PNPLA7: variants seen among roughly 807,000 people sequenced by gnomAD.
PNPLA7 encodes the protein patatin like domain 7, lysophospholipase, also known as patatin-like phospholipase domain-containing protein 7.
PNPLA7 carries 153 observed loss-of-function variants against 161.7 expected under a neutral mutation model. The observed-to-expected ratio is 0.95, with a 90% confidence interval of 0.83 to 1.08. The LOEUF (loss-of-function observed/expected upper bound fraction) is 1.08, where lower values mean the gene tolerates loss of function less well. Among genes scored for constraint, PNPLA7 ranks in the 50% least tolerant of loss-of-function variants. PNPLA7 has a pLI of 0.00. For missense variants in PNPLA7, 1,739 were observed against 1,856.6 expected (o/e 0.94, Z 1.16); for synonymous variants, 809 against 782.1 (o/e 1.03, Z -0.57).
Position 137,500,157 on chromosome 9 carries a change from G to A in PNPLA7, c.1757+534C>T, listed in dbSNP as rs538984722. On this transcript the variant is annotated intron_variant, in intron 16 of 34. Coordinates refer to ENST00000406427, the MANE Select transcript of PNPLA7 (RefSeq NM_001098537.3). The surrounding 1 kb of genome is among the most constrained non-coding windows in gnomAD (Gnocchi z 5.5). Reference sequence around the variant, plus strand: ...CAAGTGGACAGATGTCTTCCAGCCCGGAGCCTGGAAGGCGACACGGGCACA... The same window carrying A: ...CAAGTGGACAGATGTCTTCCAGCCCAGAGCCTGGAAGGCGACACGGGCACA... 9.3e-4 allele frequency among the ~76,000 whole-genome samples: 141 copies of A among 152,346 alleles called. No homozygotes were observed. The highest frequency in any genetic ancestry group is 2.9e-3 in the African/African-American group (120 of 41,574).
At chr9:137,514,207 G>A (rs1170467996) in intron 12 of PNPLA7, among the ~76,000 whole-genome samples, 5 of 147,262 alleles carry the variant, frequency 3.4e-5, no homozygotes, top group African/African-American at 1.3e-4. Flanking sequence ...GGCTGCAGGC[G>A]GGTCACTCGG....
rs372038516 is a variant in PNPLA7, at chr9:137,550,175, C to T, written c.23G>A (p.Ser8Asn). 116 of 1,612,902 alleles carry T rather than the reference C, an allele frequency of 7.2e-5. No homozygotes were observed. Among genetic ancestry groups the T allele is most frequent in the Non-Finnish European group, 9.3e-5 (110 of 1,179,814 alleles). The change falls in exon 1 of 35, where the codon AGC (serine) becomes AAC (asparagine). Residue 8 changes from serine (S) to asparagine (N), a missense_variant. Ser to Asn is a conservative substitution (Grantham distance 46). Around this residue, in one of 6 missense-constraint regions of PNPLA7, gnomAD observed 209 missense variants for 252.8 expected, o/e 0.83. Coordinates refer to ENST00000406427, the MANE Select transcript of PNPLA7 (RefSeq NM_001098537.3). ...GTCCCCCGAGTTACATACCTGTGGG[C>T]TGTCATCTTTCTCTTCCTCCATGGC... is the stretch of plus-strand genomic sequence containing the variant. MEEEKDD[S>N]PQADFCLGTA...
rs575239953 is a variant in PNPLA7, at chr9:137,546,035, G to A, written c.273+795C>T. ...CCCGCAGTTATCCGGAGGCCTAACCGTCTCCCTGTGATGCTGTGCTTCAGT... is the reference window on the plus strand; with the variant it reads ...CCCGCAGTTATCCGGAGGCCTAACCATCTCCCTGTGATGCTGTGCTTCAGT... On this transcript the variant is annotated intron_variant, in intron 4 of 34. Transcript: ENST00000406427. 1.8e-3 allele frequency among the ~76,000 whole-genome samples: 277 copies of A among 152,176 alleles called. 1 individual carries two copies. Among genetic ancestry groups the A allele is most frequent in the African/African-American group, 5.1e-3 (210 of 41,520 alleles).
chr9:137,491,475 T>C (rs1176203979), intron 20 of PNPLA7: 1 of 980,352 alleles, frequency 1.0e-6, no homozygotes, highest in African/African-American at 1.8e-5. Context: ...AAACTCACGG[T>C]GCCGGTAAGT....
At chr9:137,464,607 G>C in intron 26 of PNPLA7, 151 bp from the exon 27 acceptor site, 1 of 722,222 alleles carries the variant, frequency 1.4e-6, no homozygotes, top group East Asian at 2.6e-5. Flanking sequence ...TGGCGCCCTG[G>C]CTGGAGCCTC....
At chr9:137,478,231 G>A in intron 24 of PNPLA7, 79 bp from the exon 25 acceptor site, 1 of 1,114,928 alleles carries the variant, frequency 9.0e-7, no homozygotes, top group Non-Finnish European at 1.2e-6. Context: ...TTGACTGGGG[G>A]GAGTTTCCTC....
chr9:137,506,153 G>C, intron 12 of PNPLA7, 70 bp from the exon 13 acceptor site: 5 of 1,325,186 alleles, frequency 3.8e-6, no homozygotes, highest in Non-Finnish European at 5.3e-6. Context: ...GGTGTGGGCT[G>C]AGCACACCCT....
rs374234198 is a variant in PNPLA7 at position 137,539,930 on chromosome 9, C to T, written c.747+712G>A. Among the ~76,000 whole-genome samples the T allele has an allele frequency of 7.9e-5, 12 of 152,100 alleles. No individual in the cohort carries two copies. The East Asian group carries it at 1.4e-3, about 17-fold the overall frequency. On this transcript the variant is annotated intron_variant, in intron 8 of 34. Transcript: ENST00000406427. Reference sequence around the variant, plus strand: ...CCTCCCAAGTAGCTGGGATTACTGGCGCCTGCCCCTACACCCAGTTAATTT... The same window carrying T: ...CCTCCCAAGTAGCTGGGATTACTGGTGCCTGCCCCTACACCCAGTTAATTT...
In PNPLA7 at chr9:137,521,705, C is replaced by T; in HGVS notation, c.888G>A (p.Val296=). The T allele has an allele frequency of 6.2e-7, 1 of 1,610,900 alleles. No homozygotes were observed. Among genetic ancestry groups the T allele is most frequent in the Non-Finnish European group, 8.5e-7 (1 of 1,179,718 alleles). ...TLVRVVQIIM[V]RLQRVTFLAL... ...CCAGAAAGGTCACCCTCTGCAGCCG[C>T]ACCATGATGATCTGCAAGAACACGC... The change falls in exon 10 of 35, where the codon GTG becomes GTA. Residue 296 remains valine, a synonymous_variant. Coordinates refer to ENST00000406427, the MANE Select transcript of PNPLA7 (RefSeq NM_001098537.3).
intron 14 of PNPLA7, among the ~76,000 whole-genome samples, chr9:137,503,846 AAGG>A (rs1470276501): frequency 6.4e-5 from 9 of 141,088 alleles, no homozygotes; most frequent in East Asian, 2.2e-4. Flanking sequence ...CAAGAAGAAG[AAGG>A]AAGAAGAAGA....
At chr9:137,515,296 G>A (rs1834470286) in intron 12 of PNPLA7, 83 bp downstream of exon 12, 1 of 1,516,594 alleles carries the variant, frequency 6.6e-7, no homozygotes, top group East Asian at 2.4e-5. Context: ...CGGCGATGCT[G>A]GGCATCAGTG....
chr9:137,461,548 C>G lies in PNPLA7; in HGVS notation c.3829G>C (p.Ala1277Pro). ...CGCCTCCACTCACCATCCACCATGG[C>G]GGGCTTGGCGGGCTCAATGCGAGAC... ...IVSRIEPAKP[A>P]MVDDESDYQT... The change falls in exon 33 of 35, where the codon GCC becomes CCC. Residue 1277 changes from alanine (A) to proline (P), a missense_variant. Around this residue, in one of 6 missense-constraint regions of PNPLA7, gnomAD observed 703 missense variants for 694.6 expected, o/e 1.01. Coordinates refer to ENST00000406427, the MANE Select transcript of PNPLA7 (RefSeq NM_001098537.3). 1 of 1,611,728 alleles carries G rather than the reference C, an allele frequency of 6.2e-7. No individual in the cohort carries two copies. The highest frequency in any genetic ancestry group is 8.5e-7 in the Non-Finnish European group (1 of 1,179,110).
chr9:137,529,308 T>C (rs2132537021), intron 8 of PNPLA7, among the ~76,000 whole-genome samples: 1 of 152,316 alleles, frequency 6.6e-6, no homozygotes, highest in South Asian at 2.1e-4. Flanking sequence ...CCTTCTGTTT[T>C]CCATCTAAGT....
At chr9:137,481,891 G>A (rs908030372) in intron 21 of PNPLA7, among the ~76,000 whole-genome samples, 2 of 152,140 alleles carry the variant, frequency 1.3e-5, no homozygotes, top group Non-Finnish European at 2.9e-5. Context: ...AGCTGAGATC[G>A]CGCCACTGCA....
At chr9:137,494,572 C>A (rs904339445) in intron 19 of PNPLA7, among the ~76,000 whole-genome samples, 13 of 151,648 alleles carry the variant, frequency 8.6e-5, no homozygotes, top group African/African-American at 3.2e-4. Flanking sequence ...TGCTCTGCGC[C>A]CTCACCTGCT....
chr9:137,480,966 A>G lies in PNPLA7; in HGVS notation c.2405T>C (p.Leu802Pro). ...CGGGGCTGGCGGCACGCACCTGTCC[A>G]GGGCAGCGGAGCCAAGGCGCCGTTT... ...NIKRRLGSAA[L>P]DSVHEYRLSS... The change falls in exon 22 of 35, where the codon CTG becomes CCG. Residue 802 changes from leucine to proline, a missense_variant. Leu to Pro is a moderately conservative substitution (Grantham distance 98, BLOSUM62 -3). Transcript: ENST00000406427. 1 of 1,551,540 alleles carries G rather than the reference A, an allele frequency of 6.4e-7. No homozygotes were observed.
intron 9 of PNPLA7, 55 bp downstream of exon 9, chr9:137,522,674 G>GCC (rs1564350529): frequency 6.3e-7 from 1 of 1,595,532 alleles, no homozygotes. Flanking sequence ...CAGTGCCCAG[G>GCC]CCCCCCCAGG....
At position 137,524,790 on chromosome 9, in the gene PNPLA7, GGTTTCCGTGGATGCCCCGTGGAATGA is replaced by G. The variant is rs1835217338; in HGVS notation, c.748-1959_748-1934del. Among the ~76,000 whole-genome samples the G allele has an allele frequency of 4.8e-5, 7 of 146,540 alleles. No individual in the cohort carries two copies. Among genetic ancestry groups the G allele is most frequent in the Middle Eastern group, 3.6e-3 (1 of 280 alleles). On this transcript the variant is annotated intron_variant, in intron 8 of 34. Coordinates refer to ENST00000406427, the MANE Select transcript of PNPLA7 (RefSeq NM_001098537.3). This position sits in a 1 kb window ranked among gnomAD's most constrained non-coding sequence, Gnocchi z 4.4. ...GTTTCCGTGGATGCCCCGTGGAATG[GGTTTCCGTGGATGCCCCGTGGAATGA>G]GTTTCCGTGGATGCCCCGTGGAATG...
chr9:137,460,390 C>G lies in PNPLA7; in HGVS notation c.*3G>C. The G allele has an allele frequency of 1.1e-5, 17 of 1,611,910 alleles. No homozygotes were observed. Among genetic ancestry groups the G allele is most frequent in the Non-Finnish European group, 1.4e-5 (17 of 1,179,422 alleles). Reference sequence around the variant, plus strand: ...CTGCATCCGGGCTCTTTAGCAGAGGCCTCTACCCGTCCTGGTCAGAGGAGC... The same window carrying G: ...CTGCATCCGGGCTCTTTAGCAGAGGGCTCTACCCGTCCTGGTCAGAGGAGC... On this transcript the variant is annotated 3_prime_UTR_variant, in exon 35 of 35. Transcript: ENST00000406427.
Sources: allele counts gnomAD v4.1 joint callset (sites outside exome capture counted in the v4.1 genomes callset), GRCh38; gene constraint gnomAD v4.1.1; regional missense constraint gnomAD v4.1.1; non-coding constraint Gnocchi (gnomAD v3.1); transcripts MANE v1.5; gene names NCBI Gene and HGNC (gene_info 2026-07-23, HGNC 2026-07-21).